The following TMPRSS11A variants were observed in gnomAD, a reference collection of about 807,000 sequenced individuals.
TMPRSS11A encodes the protein transmembrane protease serine 11A.
In TMPRSS11A, 53 loss-of-function variants were observed where a neutral mutation model predicts 58.9. That is an observed-to-expected ratio of 0.90 (90% CI 0.72 to 1.13). The LOEUF (loss-of-function observed/expected upper bound fraction) is 1.13. Among genes scored for constraint, TMPRSS11A ranks in the 50% most tolerant of loss-of-function variants. TMPRSS11A has a pLI of 0.00. For synonymous variants in TMPRSS11A, 167 were observed against 169.8 expected (o/e 0.98, Z 0.13); for missense variants, 493 against 499.3 (o/e 0.99, Z 0.12).
chr4:67,943,699 A>G (rs568285833), intron 3 of TMPRSS11A, among the ~76,000 whole-genome samples: 26 of 152,288 alleles, frequency 1.7e-4, no homozygotes, highest in African/African-American at 6.3e-4. Flanking sequence ...AACTGAAAAT[A>G]GAGATTATAA....
chr4:67,930,798 G>A (rs1053632859), intron 4 of TMPRSS11A, among the ~76,000 whole-genome samples: 10 of 67,040 alleles, frequency 1.5e-4, no homozygotes, highest in Non-Finnish European at 2.4e-4. Flanking sequence ...ATATTGATCT[G>A]TTATCTCTCC....
chr4:67,925,183 A>G lies in TMPRSS11A; in HGVS notation c.482-1017T>C, dbSNP rs561474287. Among the ~76,000 whole-genome samples the G allele has an allele frequency of 1.4e-3, 207 of 152,284 alleles. 4 individuals carry two copies. Among genetic ancestry groups the G allele is most frequent in the African/African-American group, 4.8e-3 (200 of 41,566 alleles). On this transcript the variant is annotated intron_variant, in intron 5 of 9. Coordinates refer to ENST00000508048, the MANE Select transcript of TMPRSS11A (RefSeq NM_001114387.2). ...CACAATCCAAGATTAAATTCTGTCAACTTCCAAAAAAGTGAGGAGTTTGAC... is the reference window on the plus strand; with the variant it reads ...CACAATCCAAGATTAAATTCTGTCAGCTTCCAAAAAAGTGAGGAGTTTGAC...
chr4:67,920,309 T>A (rs1720284867), intron 7 of TMPRSS11A, among the ~76,000 whole-genome samples: 1 of 152,050 alleles, frequency 6.6e-6, no homozygotes. Flanking sequence ...GCTCTTCCCT[T>A]TATAAAACAC....
intron 8 of TMPRSS11A, among the ~76,000 whole-genome samples, chr4:67,916,901 T>C (rs1720172091): frequency 6.6e-6 from 1 of 152,118 alleles, no homozygotes; most frequent in African/African-American, 2.4e-5. Context: ...ATCTAAGTAT[T>C]GTAAGTAGGT....
chr4:67,926,315 A>T (rs1309332163), intron 5 of TMPRSS11A, among the ~76,000 whole-genome samples: 5 of 152,228 alleles, frequency 3.3e-5, no homozygotes, highest in Non-Finnish European at 7.3e-5. Flanking sequence ...TTAATCTAGA[A>T]TCTCTACAGT....
chr4:67,960,107 A>G (rs1013720904), intron 1 of TMPRSS11A, among the ~76,000 whole-genome samples: 1 of 152,186 alleles, frequency 6.6e-6, no homozygotes, highest in African/African-American at 2.4e-5. Flanking sequence ...TGGGAGATAA[A>G]TATTGAGCAC....
At position 67,911,416 on chromosome 4, in the gene TMPRSS11A, G is replaced by C. The variant is rs773855875; in HGVS notation, c.1183C>G (p.Gln395Glu). 3 of 1,612,972 alleles carry C rather than the reference G, an allele frequency of 1.9e-6. No homozygotes were observed. In the Admixed American group the frequency reaches 5.0e-5, roughly 27 times the overall value. Residue 395 changes from glutamine to glutamate, a missense_variant, in exon 10 of 10, where the codon CAA becomes GAA. By Grantham distance (29) the Gln-to-Glu change is conservative (BLOSUM62 2). Coordinates refer to ENST00000508048, the MANE Select transcript of TMPRSS11A (RefSeq NM_001114387.2). ...GIVSWGDNCG[Q>E]KDKPGVYTQV... ...GTGTAGACTCCAGGCTTGTCCTTTT[G>C]ACCACAGTTATCTCCCCAGCTTACA...
At chr4:67,947,472 C>A (rs1168077120) in intron 1 of TMPRSS11A, among the ~76,000 whole-genome samples, 1 of 152,164 alleles carries the variant, frequency 6.6e-6, no homozygotes. Context: ...CTGGACTTGT[C>A]TGAATGCTTT....
At chr4:67,932,247 G>A (rs1375653657) in intron 3 of TMPRSS11A, among the ~76,000 whole-genome samples, 187 bp from the exon 4 acceptor site, 2 of 152,148 alleles carry the variant, frequency 1.3e-5, no homozygotes, top group Non-Finnish European at 2.9e-5. Context: ...ATGGATGCCA[G>A]GGATCCTCTC....
In TMPRSS11A at chr4:67,960,058, G is replaced by C. The variant is rs186357856; in HGVS notation, c.11+3325C>G. ...CCATAATCCTAAGCAAACTAATGCA[G>C]GAACAGAAAACCAAATACCACATGC... On this transcript the variant is annotated intron_variant, in intron 1 of 9. Transcript: ENST00000508048. Among the ~76,000 whole-genome samples the C allele has an allele frequency of 5.1e-3, 775 of 152,190 alleles. 4 individuals are homozygous for C. The highest frequency in any genetic ancestry group is 0.024 in the Middle Eastern group (7 of 294).
intron 1 of TMPRSS11A, among the ~76,000 whole-genome samples, chr4:67,961,860 G>A (rs4260588): frequency 0.2 from 30,031 of 151,904 alleles, 3,319 homozygotes; most frequent in East Asian, 0.44. Context: ...CAATGGCATT[G>A]ACCACTGATT....
At chr4:67,952,165 T>C (rs1357530135) in intron 1 of TMPRSS11A, among the ~76,000 whole-genome samples, 1 of 152,242 alleles carries the variant, frequency 6.6e-6, no homozygotes, top group Non-Finnish European at 1.5e-5. Flanking sequence ...AACACTGCTG[T>C]CAGCAGAATT....
Position 67,923,989 on chromosome 4 carries a change from G to T in TMPRSS11A, c.520+139C>A, listed in dbSNP as rs536556027. ...TCAGTCCATGAGTTAGAAAAAAAAT[G>T]TATTTAAATCTATCGTACAAATAGT... is the stretch of plus-strand genomic sequence containing the variant. On this transcript the variant is annotated intron_variant, in intron 6 of 9. Coordinates refer to ENST00000508048, the MANE Select transcript of TMPRSS11A (RefSeq NM_001114387.2). The T allele has an allele frequency of 6.3e-6, 5 of 796,238 alleles. No individual in the cohort carries two copies. In the African/African-American group the frequency reaches 7.0e-5, roughly 11 times the overall value. 49.3% of individuals were successfully genotyped at this position (796,238 alleles called of 1,614,324 possible). A position where few individuals can be genotyped will look rare whatever the true frequency, so the allele number is the denominator to read the frequency against.
intron 5 of TMPRSS11A, 93 bp downstream of exon 5, chr4:67,929,787 T>C: frequency 8.4e-7 from 1 of 1,187,884 alleles, no homozygotes; most frequent in Non-Finnish European, 1.2e-6. Context: ...CTAGCTATTA[T>C]TTGAAATGGA....
In TMPRSS11A at chr4:67,918,972, C is replaced by T. The variant is rs1720234692; in HGVS notation, c.952+1G>A. 1.2e-6 allele frequency: 2 copies of T among 1,614,082 alleles called. No homozygotes were observed. Among genetic ancestry groups the T allele is most frequent in the East Asian group, 2.2e-5 (1 of 44,882 alleles). On this transcript the variant is annotated splice_donor_variant, in intron 8 of 9. Transcript: ENST00000508048. LOFTEE classifies it high-confidence loss of function. ...TCTGTTAGCTATCCTGAGATACCCA[C>T]CACCATAGTAAAGTGCTCCAAATCC...
At position 67,929,904 on chromosome 4, in the gene TMPRSS11A, T is replaced by G. The variant is rs1331043297; in HGVS notation, c.457A>C (p.Asn153His). The G allele has an allele frequency of 6.2e-7, 1 of 1,612,990 alleles. No individual in the cohort carries two copies. Among genetic ancestry groups the G allele is most frequent in the African/African-American group, 1.3e-5 (1 of 74,898 alleles). Reference sequence around the variant, plus strand: ...CCATTAACTTGAACTGATGAGGCATTTATTGGCAAGGCTCTTAAATTCCTT... The same window carrying G: ...CCATTAACTTGAACTGATGAGGCATGTATTGGCAAGGCTCTTAAATTCCTT... ...KIRNLRALPI[N>H]ASSVQVNAMS... Residue 153 changes from asparagine (N) to histidine (H), a missense_variant, in exon 5 of 10, where the codon AAT becomes CAT. Transcript: ENST00000508048.
At chr4:67,936,375 T>C (rs1463366630) in intron 3 of TMPRSS11A, among the ~76,000 whole-genome samples, 2 of 148,048 alleles carry the variant, frequency 1.4e-5, no homozygotes, top group Non-Finnish European at 3.0e-5. Flanking sequence ...CTATGAACCA[T>C]TCTCTCAAGC....
chr4:67,931,324 A>G (rs1720613278), intron 4 of TMPRSS11A, among the ~76,000 whole-genome samples: 1 of 152,218 alleles, frequency 6.6e-6, no homozygotes, highest in African/African-American at 2.4e-5. Context: ...CTTCAAATAA[A>G]TCAAAATCTG....
At chr4:67,918,831 G>T in intron 8 of TMPRSS11A, 142 bp downstream of exon 8, 5 of 979,206 alleles carry the variant, frequency 5.1e-6, no homozygotes, top group South Asian at 1.7e-5. Context: ...AATGTGAATT[G>T]AATTTCTGTC....
Sources: allele counts gnomAD v4.1 joint callset (sites outside exome capture counted in the v4.1 genomes callset), GRCh38; gene constraint gnomAD v4.1.1; transcripts MANE v1.5; gene names NCBI Gene and HGNC (gene_info 2026-07-23, HGNC 2026-07-21).